Variants in ADCY2 observed in about 807,000 individuals in gnomAD.
ADCY2 encodes the protein adenylate cyclase type 2.
Under a neutral mutation model 125.2 loss-of-function variants are expected in ADCY2, and 31 were observed. That is an observed-to-expected ratio of 0.25 (90% CI 0.19 to 0.33). The LOEUF is 0.33. Among genes scored for constraint, ADCY2 ranks in the 10% least tolerant of loss-of-function variants. The pLI, the probability that ADCY2 is intolerant of heterozygous loss-of-function variation, is 1.00. For synonymous variants in ADCY2, 512 were observed against 548.4 expected (o/e 0.93, Z 0.93); for missense variants, 904 against 1,418.2 (o/e 0.64, Z 5.82).
chr5:7,426,406 G>A (rs1256306045), intron 2 of ADCY2, among the ~76,000 whole-genome samples: 1 of 152,184 alleles, frequency 6.6e-6, no homozygotes, highest in Admixed American at 6.5e-5. Flanking sequence ...TTTGGTGTCT[G>A]GCGAGAATGG....
chr5:7,599,390 G>A (rs1386785290), intron 3 of ADCY2, among the ~76,000 whole-genome samples: 1 of 152,222 alleles, frequency 6.6e-6, no homozygotes, highest in Non-Finnish European at 1.5e-5. Flanking sequence ...GAAAAGGATA[G>A]GTCAAGGAGG....
chr5:7,536,682 A>G (rs900867690), intron 3 of ADCY2, among the ~76,000 whole-genome samples: 1 of 152,080 alleles, frequency 6.6e-6, no homozygotes, highest in Non-Finnish European at 1.5e-5. Flanking sequence ...GTTTACCTTT[A>G]CCTACTTACC....
At chr5:7,591,157 C>T (rs998743017) in intron 3 of ADCY2, among the ~76,000 whole-genome samples, 3 of 152,142 alleles carry the variant, frequency 2.0e-5, no homozygotes, top group African/African-American at 4.8e-5. Flanking sequence ...CTATCTAAAG[C>T]GTGCAGTTTA....
At chr5:7,519,090 T>C (rs1744351592) in intron 2 of ADCY2, among the ~76,000 whole-genome samples, 1 of 152,238 alleles carries the variant, frequency 6.6e-6, no homozygotes, top group South Asian at 2.1e-4. Flanking sequence ...ATTTTTAGGC[T>C]ATGTCTCCTG....
At chr5:7,416,595 A>T (rs1227484519) in intron 2 of ADCY2, among the ~76,000 whole-genome samples, 1 of 152,214 alleles carries the variant, frequency 6.6e-6, no homozygotes, top group African/African-American at 2.4e-5. Context: ...TATACAAATA[A>T]ACTGGGAGTC....
chr5:7,611,664 C>T (rs1015620722), intron 3 of ADCY2, among the ~76,000 whole-genome samples: 3 of 152,118 alleles, frequency 2.0e-5, no homozygotes, highest in Non-Finnish European at 2.9e-5. Context: ...GACTTGGGAA[C>T]AGTGGAGAGT....
intron 20 of ADCY2, chr5:7,794,876 T>C (rs1047227318): frequency 6.6e-6 from 1 of 152,038 alleles, no homozygotes; most frequent in African/African-American, 2.4e-5. Flanking sequence ...GTAGCTATCA[T>C]CAAGGTTTCT....
At chr5:7,581,798 C>T (rs1257129338) in intron 3 of ADCY2, among the ~76,000 whole-genome samples, 32 of 134,792 alleles carry the variant, frequency 2.4e-4, no homozygotes, top group African/African-American at 8.8e-4. Context: ...TCCAGGCTGG[C>T]GACAGAGCAA....
intron 2 of ADCY2, among the ~76,000 whole-genome samples, chr5:7,488,324 G>A (rs1458919201): frequency 2.0e-5 from 3 of 152,080 alleles, no homozygotes; most frequent in South Asian, 2.1e-4. Context: ...CAGCCATGTC[G>A]AGCTGTGAGT....
Position 7,757,589 on chromosome 5 carries a change from A to C in ADCY2, c.2094+3A>C. Reference sequence around the variant, plus strand: ...TAATGATGGCCGTGTTCAACATGGTAAGTCCCAGAGCACGGCCGTGTTCAA... The same window carrying C: ...TAATGATGGCCGTGTTCAACATGGTCAGTCCCAGAGCACGGCCGTGTTCAA... On this transcript the variant is annotated splice_donor_region_variant and intron_variant, in intron 16 of 24. Transcript: ENST00000338316. The C allele has an allele frequency of 6.4e-7, 1 of 1,565,594 alleles. No individual in the cohort carries two copies. Among genetic ancestry groups the C allele is most frequent in the Non-Finnish European group, 8.7e-7 (1 of 1,143,754 alleles).
intron 24 of ADCY2, among the ~76,000 whole-genome samples, chr5:7,823,014 C>T (rs1454621960): frequency 6.6e-6 from 1 of 152,188 alleles, no homozygotes; most frequent in African/African-American, 2.4e-5. Context: ...CTTTAAAAGA[C>T]TGTCCCCTCC....
intron 18 of ADCY2, among the ~76,000 whole-genome samples, chr5:7,777,923 G>A (rs979617379): frequency 1.3e-5 from 2 of 152,206 alleles, no homozygotes; most frequent in Non-Finnish European, 1.5e-5. Flanking sequence ...GAGTGTCCCA[G>A]TATTTAACGT....
chr5:7,810,283 T>C (rs1744893745), intron 22 of ADCY2, among the ~76,000 whole-genome samples: 1 of 152,126 alleles, frequency 6.6e-6, no homozygotes, highest in Admixed American at 6.5e-5. Context: ...GTGGGTTATC[T>C]GCTTGAATGG....
At chr5:7,421,134 T>G (rs1050781582) in intron 2 of ADCY2, among the ~76,000 whole-genome samples, 1 of 152,208 alleles carries the variant, frequency 6.6e-6, no homozygotes, top group African/African-American at 2.4e-5. Context: ...AATGTGTTTA[T>G]TGGAGTCCTG....
intron 4 of ADCY2, among the ~76,000 whole-genome samples, chr5:7,674,398 C>T (rs1007416142): frequency 2.6e-5 from 4 of 152,254 alleles, no homozygotes; most frequent in African/African-American, 9.6e-5. Flanking sequence ...GACAGCAGGG[C>T]TGGCTTTCTC....
At chr5:7,468,899 T>C (rs967469359) in intron 2 of ADCY2, among the ~76,000 whole-genome samples, 3 of 152,144 alleles carry the variant, frequency 2.0e-5, no homozygotes, top group East Asian at 1.9e-4. Flanking sequence ...GGAAAAGTTA[T>C]GATGTAATTT....
intron 3 of ADCY2, among the ~76,000 whole-genome samples, chr5:7,556,536 G>A (rs912119377): frequency 6.6e-6 from 1 of 152,190 alleles, no homozygotes; most frequent in Non-Finnish European, 1.5e-5. Context: ...CATACGGGAA[G>A]TTTCAACATT....
intron 3 of ADCY2, among the ~76,000 whole-genome samples, chr5:7,544,858 C>T (rs1735101963): frequency 6.6e-6 from 1 of 152,102 alleles, no homozygotes; most frequent in African/African-American, 2.4e-5. Flanking sequence ...GGAATGAAAC[C>T]CAGGAGTAAC....
chr5:7,702,459 A>G (rs971795690), intron 7 of ADCY2, among the ~76,000 whole-genome samples: 1 of 150,770 alleles, frequency 6.6e-6, no homozygotes, highest in African/African-American at 2.4e-5. Flanking sequence ...GTTCCCACCT[A>G]TGAGTGAGAA....
Sources: allele counts gnomAD v4.1 joint callset (sites outside exome capture counted in the v4.1 genomes callset), GRCh38; gene constraint gnomAD v4.1.1; transcripts MANE v1.5; gene names NCBI Gene and HGNC (gene_info 2026-07-23, HGNC 2026-07-21).